Variants in MALRD1 observed in about 807,000 individuals in gnomAD.
The protein encoded by MALRD1 is MAM and LDL receptor class A domain containing 1.
A neutral mutation model predicts 242.1 loss-of-function variants in MALRD1; 247 were observed. That is an observed-to-expected ratio of 1.02 (90% CI 0.92 to 1.13). The LOEUF is 1.13. Among genes scored for constraint, MALRD1 ranks in the 50% most tolerant of loss-of-function variants. The probability of loss-of-function intolerance (pLI) is 0.00; values close to 1 mark genes in which losing one functional copy is unlikely to be tolerated. For missense variants in MALRD1, 2,989 were observed against 2,533.1 expected, an observed-to-expected ratio of 1.18 and a Z score of -3.86; for synonymous variants, 995 against 866.6, an observed-to-expected ratio of 1.15 and a Z score of -2.60.
intron 28 of MALRD1, among the ~76,000 whole-genome samples, chr10:19,399,217 C>A (rs1057353173): frequency 2.0e-5 from 3 of 152,130 alleles, no homozygotes; most frequent in African/African-American, 4.8e-5. Flanking sequence ...GTGTAGGAAT[C>A]CTGAGAGCCA....
At chr10:19,458,210 C>T (rs182626448) in intron 29 of MALRD1, among the ~76,000 whole-genome samples, 56 of 152,156 alleles carry the variant, frequency 3.7e-4, no homozygotes, top group Middle Eastern at 3.4e-3. Context: ...GGATGAAGTA[C>T]GCAATGCTTC....
chr10:19,423,663 A>G (rs1833797047), intron 28 of MALRD1, among the ~76,000 whole-genome samples: 1 of 152,140 alleles, frequency 6.6e-6, no homozygotes, highest in African/African-American at 2.4e-5. Context: ...GCACCCATTC[A>G]GCTTCCAGGA....
chr10:19,192,854 A>G (rs1288240297), intron 14 of MALRD1, among the ~76,000 whole-genome samples: 1 of 152,182 alleles, frequency 6.6e-6, no homozygotes, highest in East Asian at 1.9e-4. Flanking sequence ...TCTAAAGATA[A>G]CATTCCTTTT....
Position 19,094,749 on chromosome 10 carries a change from G to C in MALRD1, c.597+6564G>C, listed in dbSNP as rs1337516364. On this transcript the variant is annotated intron_variant, in intron 4 of 39. Coordinates refer to ENST00000454679, the MANE Select transcript of MALRD1 (RefSeq NM_001142308.3). Reference sequence around the variant, plus strand: ...CAAATGCTGTTGAAGTAGAATAATTGTCATATTCATTTCATAGATAAACTT... The same window carrying C: ...CAAATGCTGTTGAAGTAGAATAATTCTCATATTCATTTCATAGATAAACTT... Among the ~76,000 whole-genome samples, 3 of 152,258 alleles carry C rather than the reference G, an allele frequency of 2.0e-5. No individual in the cohort carries two copies. In the East Asian group the frequency reaches 5.8e-4, roughly 29 times the overall value.
intron 36 of MALRD1, among the ~76,000 whole-genome samples, chr10:19,622,306 C>A (rs1839439811): frequency 6.6e-6 from 1 of 151,460 alleles, no homozygotes; most frequent in Non-Finnish European, 1.5e-5. Flanking sequence ...AATTAGTATT[C>A]TTAGATTAAT....
chr10:19,149,042 A>T (rs1044323335), intron 11 of MALRD1, among the ~76,000 whole-genome samples: 1 of 151,960 alleles, frequency 6.6e-6, no homozygotes, highest in Non-Finnish European at 1.5e-5. Context: ...AGCCTTAAAC[A>T]TATAGATTGC....
intron 29 of MALRD1, chr10:19,490,953 A>G (rs564529817): frequency 5.7e-6 from 1 of 176,166 alleles, no homozygotes; most frequent in South Asian, 1.4e-4. Flanking sequence ...GGAAAAGCAA[A>G]ATAAAATTTA....
intron 32 of MALRD1, among the ~76,000 whole-genome samples, chr10:19,532,450 T>C (rs1487981858): frequency 1.3e-5 from 2 of 152,120 alleles, no homozygotes; most frequent in Admixed American, 1.3e-4. Context: ...GAGATGGGGT[T>C]TCATCATGTT....
chr10:19,181,452 A>G (rs1031426114), intron 14 of MALRD1, among the ~76,000 whole-genome samples: 1 of 152,220 alleles, frequency 6.6e-6, no homozygotes. Flanking sequence ...TAAGCCAAAC[A>G]CAAGAAGGAA....
At chr10:19,071,645 A>G (rs1835151803) in intron 2 of MALRD1, among the ~76,000 whole-genome samples, 1 of 152,130 alleles carries the variant, frequency 6.6e-6, no homozygotes, top group Non-Finnish European at 1.5e-5. Context: ...GAACACCAGC[A>G]TCTCCTAAGC....
intron 35 of MALRD1, among the ~76,000 whole-genome samples, chr10:19,608,652 A>C (rs975662483): frequency 1.3e-5 from 2 of 152,136 alleles, no homozygotes; most frequent in Non-Finnish European, 2.9e-5. Context: ...ATTTTATATC[A>C]AAACTAGTTA....
intron 35 of MALRD1, among the ~76,000 whole-genome samples, chr10:19,608,484 G>A (rs1838740107): frequency 6.6e-6 from 1 of 151,752 alleles, no homozygotes; most frequent in East Asian, 1.9e-4. Flanking sequence ...GTAGCCCTTT[G>A]TTAACATCTC....
At chr10:19,686,791 A>G (rs531700341) in intron 36 of MALRD1, among the ~76,000 whole-genome samples, 6 of 152,290 alleles carry the variant, frequency 3.9e-5, no homozygotes, top group African/African-American at 1.4e-4. Context: ...GGAAGCCTAA[A>G]TGAATTTGAA....
rs1168476961 is a variant in MALRD1, at chr10:19,291,394, G to A, written c.3419+8213G>A. 2.0e-5 allele frequency: 3 copies of A among 152,034 alleles called. 1 individual carries two copies. The highest frequency in any genetic ancestry group is 7.2e-5 in the African/African-American group (3 of 41,418). 9.4% of individuals were successfully genotyped at this position (152,034 alleles called of 1,614,324 possible). On this transcript the variant is annotated intron_variant, in intron 21 of 39. Transcript: ENST00000454679. ...TAAAACCTTGGATTAAAATCTCTGG[G>A]AATGAGGCCAGGTGCAGTCACTCAA...
intron 29 of MALRD1, among the ~76,000 whole-genome samples, chr10:19,485,368 G>T (rs1837190024): frequency 6.6e-6 from 1 of 152,122 alleles, no homozygotes; most frequent in African/African-American, 2.4e-5. Flanking sequence ...AGAAGGCCGG[G>T]CACGGTGGCT....
chr10:19,707,081 TCTC>T (rs1463872312), intron 38 of MALRD1, among the ~76,000 whole-genome samples: 34 of 148,936 alleles, frequency 2.3e-4, no homozygotes, highest in African/African-American at 7.7e-4. Context: ...ACTTCTCCCT[TCTC>T]CTCCTCCTCT....
intron 38 of MALRD1, among the ~76,000 whole-genome samples, chr10:19,713,907 C>G (rs1299913653): frequency 1.3e-5 from 2 of 152,174 alleles, no homozygotes; most frequent in Non-Finnish European, 2.9e-5. Context: ...ATTGCTCTTG[C>G]AGAGCATGCA....
intron 19 of MALRD1, among the ~76,000 whole-genome samples, chr10:19,275,509 A>G (rs1361388128): frequency 6.6e-6 from 1 of 152,128 alleles, no homozygotes; most frequent in Admixed American, 6.5e-5. Context: ...TCTACTAAAA[A>G]TACAAAAAAA....
rs573430089 is a variant in MALRD1 at position 19,126,123 on chromosome 10, G to A, written c.943+1453G>A. On this transcript the variant is annotated intron_variant, in intron 7 of 39. Transcript: ENST00000454679. Reference sequence around the variant, plus strand: ...GCTCCTGATATGTGCTGTAGTGACAGAGAAGTCTGAGTGCATGTAATGGTT... The same window carrying A: ...GCTCCTGATATGTGCTGTAGTGACAAAGAAGTCTGAGTGCATGTAATGGTT... 9.9e-5 allele frequency among the ~76,000 whole-genome samples: 15 copies of A among 152,066 alleles called. No individual in the cohort carries two copies. The South Asian group carries it at 3.1e-3, about 32-fold the overall frequency.
Sources: gnomAD v4.1 joint callset for allele counts (sites outside exome capture counted in the v4.1 genomes callset) on GRCh38, gnomAD v4.1.1 for gene constraint, MANE v1.5 for transcripts, NCBI Gene and HGNC (gene_info 2026-07-23, HGNC 2026-07-21) for gene names.